The following NLRP4 variants were observed in gnomAD, a reference collection of about 807,000 sequenced individuals.
The protein encoded by NLRP4 is NACHT, LRR and PYD domains-containing protein 4.
In NLRP4, 44 loss-of-function variants were observed where a neutral mutation model predicts 84.7. The ratio of observed to expected loss-of-function variants is 0.52; its 90% CI spans 0.41 to 0.67. The LOEUF is 0.67. Ranked by LOEUF, NLRP4 falls within the 30% of genes least tolerant of loss-of-function variation. The probability of loss-of-function intolerance (pLI) is 0.00; values close to 1 mark genes in which losing one functional copy is unlikely to be tolerated. For synonymous variants in NLRP4, 544 were observed against 476.4 expected (o/e 1.14, Z -1.85); for missense variants, 1,260 against 1,219.4 (o/e 1.03, Z -0.50).
intron 1 of NLRP4, among the ~76,000 whole-genome samples, chr19:55,838,189 C>A (rs35519423): frequency 0.16 from 24,425 of 151,028 alleles, 2,175 homozygotes; most frequent in African/African-American, 0.24. Context: ...GTAATCCCAG[C>A]TACTCAGGAG....
rs544146714 is a variant in NLRP4, at chr19:55,866,323, C to G, written c.2187-1386C>G. On this transcript the variant is annotated intron_variant, in intron 5 of 9. Coordinates refer to ENST00000301295, the MANE Select transcript of NLRP4 (RefSeq NM_134444.5). ...CTGGAATTACAGGCTTGAGCCACCA[C>G]GCCCGGCCGCACCAACCTATATCTT... is the stretch of plus-strand genomic sequence containing the variant. 3.2e-4 allele frequency among the ~76,000 whole-genome samples: 49 copies of G among 152,314 alleles called. 1 individual carries two copies. The highest frequency in any genetic ancestry group is 1.9e-3 in the South Asian group (9 of 4,818).
intron 1 of NLRP4, among the ~76,000 whole-genome samples, chr19:55,846,918 T>G (rs1416288914): frequency 6.6e-6 from 1 of 152,146 alleles, no homozygotes; most frequent in South Asian, 2.1e-4. Context: ...TTTTCCCTAA[T>G]TTTTGTGGGT....
rs926814657 is a variant in NLRP4, at chr19:55,878,298, T to C, written c.2697-496T>C. On this transcript the variant is annotated intron_variant, in intron 8 of 9. Coordinates refer to ENST00000301295, the MANE Select transcript of NLRP4 (RefSeq NM_134444.5). ...AGCCCGCAGGCGTGGTGCATGCCTG[T>C]AGTCCCAGCTACTCAGGAGGCTGAG... 3.3e-5 allele frequency among the ~76,000 whole-genome samples: 5 copies of C among 151,904 alleles called. No individual in the cohort carries two copies. The South Asian group carries it at 1.0e-3, about 32-fold the overall frequency.
Position 55,878,955 on chromosome 19 carries a change from A to G in NLRP4, c.2858A>G (p.Gln953Arg). The G allele has an allele frequency of 6.2e-7, 1 of 1,612,910 alleles. No homozygotes were observed. ...CTGAGACACCCAGAGTGTGCCCTGC[A>G]GGTGCTCGGGTGAGCTGGGGTCTGT... ...EALRHPECALQVLGLRKTDFD... is the reference protein window; with the variant it reads ...EALRHPECALRVLGLRKTDFD... Residue 953 changes from glutamine (Q) to arginine (R), a missense_variant, in exon 9 of 10, where the codon CAG becomes CGG. Gln to Arg is a conservative substitution (Grantham distance 43). Transcript: ENST00000301295.
rs1984008160 is a variant in NLRP4 at position 55,850,113 on chromosome 19, A to AGCTGTGGTGTAATTTCCGTG, written c.-65-1899_-65-1898insTGGTGTAATTTCCGTGGCTG. On this transcript the variant is annotated intron_variant, in intron 1 of 9. Transcript: ENST00000301295. ...TCCGTGGCTGCGGTGTAATTACCGT[A>AGCTGTGGTGTAATTTCCGTG]GCTGCGGTGTAATTTCCGTGGCTGC... is the stretch of plus-strand genomic sequence containing the variant. Among the ~76,000 whole-genome samples, 5 of 52,306 alleles carry AGCTGTGGTGTAATTTCCGTG rather than the reference A, an allele frequency of 9.6e-5. 2 individuals carry two copies. The highest frequency in any genetic ancestry group is 1.5e-4 in the Non-Finnish European group (4 of 27,462). The allele number at this position is 52,306 out of a possible 152,430, so 34.3% of individuals were successfully genotyped here. A position where few individuals can be genotyped will look rare whatever the true frequency, so the allele number is the denominator to read the frequency against.
In NLRP4 at chr19:55,851,667, TG is replaced by T. The variant is rs1568660065; in HGVS notation, c.-65-348del. 4.3e-3 allele frequency among the ~76,000 whole-genome samples: 630 copies of T among 147,878 alleles called. 16 individuals are homozygous for T. Among genetic ancestry groups the T allele is most frequent in the East Asian group, 7.6e-3 (38 of 5,026 alleles). ...TGTAATGTCCGAGGCTGCGGTGTAA[TG>T]TCCGAGGCTGCGGTGTAATGTCCGA... is the stretch of plus-strand genomic sequence containing the variant. On this transcript the variant is annotated intron_variant, in intron 1 of 9. Coordinates refer to ENST00000301295, the MANE Select transcript of NLRP4 (RefSeq NM_134444.5).
Position 55,858,563 on chromosome 19 carries a change from G to A in NLRP4, c.1170G>A (p.Pro390=), listed in dbSNP as rs147261455. Reference sequence around the variant, plus strand: ...CTGAGGGTGCCGAGGGCCCGACTCCGCAAACCCAGCACCAGCTGAAGGCCC... The same window carrying A: ...CTGAGGGTGCCGAGGGCCCGACTCCACAAACCCAGCACCAGCTGAAGGCCC... The part of the protein sequence containing the change: ...FTPEGAEGPT[P]QTQHQLKALC... The change falls in exon 3 of 10, where the codon CCG becomes CCA. Residue 390 remains proline (P), a synonymous_variant. Transcript: ENST00000301295. This position sits in a 1 kb window ranked among gnomAD's most constrained non-coding sequence, Gnocchi z 4.2. The A allele has an allele frequency of 6.2e-5, 100 of 1,614,090 alleles. No homozygotes were observed. The East Asian group carries it at 6.7e-4, about 11-fold the overall frequency.
At chr19:55,851,687 T>TTTCC (rs1568660088) in intron 1 of NLRP4, among the ~76,000 whole-genome samples, 1 of 141,652 alleles carries the variant, frequency 7.1e-6, no homozygotes, top group East Asian at 2.1e-4. Flanking sequence ...TGCGGTGTAA[T>TTTCC]GTCCGAGGCT....
chr19:55,846,337 T>C (rs1230450560), intron 1 of NLRP4, among the ~76,000 whole-genome samples: 1 of 152,160 alleles, frequency 6.6e-6, no homozygotes, highest in Non-Finnish European at 1.5e-5. Flanking sequence ...GTTGTAGATA[T>C]GCGGCATTAT....
chr19:55,849,780 TGTAATTTCCAAAGCTGC>T (rs1248913105), intron 1 of NLRP4, among the ~76,000 whole-genome samples: 1 of 145,266 alleles, frequency 6.9e-6, no homozygotes, highest in African/African-American at 2.8e-5. Flanking sequence ...GTAGCTGCGG[TGTAATTTCCAAAGCTGC>T]GGTGTAATTT....
chr19:55,852,266 C>CT lies in NLRP4; in HGVS notation c.187dup (p.Tyr63LeufsTer2). 1 of 1,606,936 alleles carries CT rather than the reference C, an allele frequency of 6.2e-7. No individual in the cohort carries two copies. The highest frequency in any genetic ancestry group is 8.5e-7 in the Non-Finnish European group (1 of 1,177,320). On this transcript the variant is annotated frameshift_variant, in exon 2 of 10. Coordinates refer to ENST00000301295, the MANE Select transcript of NLRP4 (RefSeq NM_134444.5). LOFTEE classifies it high-confidence loss of function. ...AACTTGCAAACCTCTTGATCAAGCACTATGAAGAACAACAAGCTTGGAACA... is the reference window on the plus strand; with the variant it reads ...AACTTGCAAACCTCTTGATCAAGCACTTATGAAGAACAACAAGCTTGGAACA...
chr19:55,852,831 G>A (rs1362486265), intron 2 of NLRP4, among the ~76,000 whole-genome samples: 1 of 152,184 alleles, frequency 6.6e-6, no homozygotes, highest in African/African-American at 2.4e-5. Flanking sequence ...GTGGTTACAT[G>A]TGGGTAAAAT....
At chr19:55,839,503 A>G (rs1434721872) in intron 1 of NLRP4, among the ~76,000 whole-genome samples, 1 of 150,000 alleles carries the variant, frequency 6.7e-6, no homozygotes, top group East Asian at 2.0e-4. Context: ...AAAGCTTTCA[A>G]AACTTCACAC....
At chr19:55,869,383 C>A (rs966058931) in intron 6 of NLRP4, among the ~76,000 whole-genome samples, 9 of 148,868 alleles carry the variant, frequency 6.0e-5, no homozygotes, top group African/African-American at 4.9e-5. Flanking sequence ...AAAAATAAAC[C>A]AAAAAAAAAA....
intron 7 of NLRP4, 37 bp downstream of exon 7, chr19:55,871,034 C>T (rs1568672470): frequency 6.3e-7 from 1 of 1,596,390 alleles, no homozygotes; most frequent in South Asian, 1.1e-5. Flanking sequence ...ACCAAGCCGT[C>T]TTTTCAAGGG....
Position 55,852,063 on chromosome 19 carries a change from A to G in NLRP4, c.-18A>G. 6.3e-7 allele frequency: 1 copy of G among 1,576,682 alleles called. No homozygotes were observed. Among genetic ancestry groups the G allele is most frequent in the Non-Finnish European group, 8.6e-7 (1 of 1,165,392 alleles). On this transcript the variant is annotated 5_prime_UTR_variant, in exon 2 of 10. Coordinates refer to ENST00000301295, the MANE Select transcript of NLRP4 (RefSeq NM_134444.5). ...GGTCACTGTCTCTTTGAGGATTGGTATCTCTGCTCCAGAAAAGATGGCAGC... is the reference window on the plus strand; with the variant it reads ...GGTCACTGTCTCTTTGAGGATTGGTGTCTCTGCTCCAGAAAAGATGGCAGC...
chr19:55,864,102 G>A (rs1984865180), intron 5 of NLRP4, among the ~76,000 whole-genome samples: 1 of 152,096 alleles, frequency 6.6e-6, no homozygotes, highest in Non-Finnish European at 1.5e-5. Context: ...GTATAACTAT[G>A]CTTTAAAATG....
chr19:55,850,809 C>A (rs370032610), intron 1 of NLRP4, among the ~76,000 whole-genome samples: 10 of 112,530 alleles, frequency 8.9e-5, no homozygotes, highest in Non-Finnish European at 1.0e-4. Context: ...GGTGTAATTT[C>A]CGAGGCTGCG....
chr19:55,859,757 G>A (rs1984649311), intron 3 of NLRP4, among the ~76,000 whole-genome samples: 1 of 150,996 alleles, frequency 6.6e-6, no homozygotes. Context: ...GTGACACCTC[G>A]TCTCCACTAA....
Sources: gnomAD v4.1 joint callset for allele counts (sites outside exome capture counted in the v4.1 genomes callset) on GRCh38, gnomAD v4.1.1 for gene constraint, Gnocchi (gnomAD v3.1) non-coding constraint, MANE v1.5 for transcripts, NCBI Gene and HGNC (gene_info 2026-07-23, HGNC 2026-07-21) for gene names.